RAP1A: variants seen among roughly 807,000 people sequenced by gnomAD.
RAP1A encodes the protein RAP1A, member of RAS oncogene family, also known as ras-related protein Rap-1A.
A neutral mutation model predicts 26.4 loss-of-function variants in RAP1A; 6 were observed. The observed-to-expected ratio is 0.23, with a 90% CI of 0.12 to 0.45. The LOEUF is 0.45. Ranked by LOEUF, RAP1A falls within the 20% of genes least tolerant of loss-of-function variation. The pLI is 0.99. For synonymous variants in RAP1A, 73 were observed against 79.4 expected (o/e 0.92, Z 0.43); for missense variants, 121 against 217.2 (o/e 0.56, Z 2.78).
chr1:111,607,654 C>G (rs1173847307), intron 1 of RAP1A, among the ~76,000 whole-genome samples: 1 of 146,972 alleles, frequency 6.8e-6, no homozygotes, highest in East Asian at 2.0e-4. Flanking sequence ...GACCCCGCCA[C>G]GTCCCTCCCG....
At chr1:111,542,743 C>T (rs570610032) in intron 1 of RAP1A, among the ~76,000 whole-genome samples, 1 of 151,832 alleles carries the variant, frequency 6.6e-6, no homozygotes, top group African/African-American at 2.4e-5. Context: ...GTCACCCAGG[C>T]TGGAGTGCAG....
chr1:111,583,065 T>A (rs1658289807), intron 1 of RAP1A, among the ~76,000 whole-genome samples: 1 of 152,138 alleles, frequency 6.6e-6, no homozygotes, highest in African/African-American at 2.4e-5. Context: ...TTACAAAGTA[T>A]CTTGCAGAGA....
intron 1 of RAP1A, among the ~76,000 whole-genome samples, chr1:111,639,092 G>GACGTAT (rs112010349): frequency 1.3e-5 from 2 of 151,908 alleles, no homozygotes; most frequent in African/African-American, 4.8e-5. Context: ...AAGTATTTTG[G>GACGTAT]ACTCTTTCTG....
intron 6 of RAP1A, among the ~76,000 whole-genome samples, chr1:111,708,200 A>G (rs1662258586): frequency 6.6e-6 from 1 of 152,154 alleles, no homozygotes; most frequent in South Asian, 2.1e-4. Flanking sequence ...ACTAAAAACC[A>G]CAAATATTTG....
chr1:111,701,323 C>T (rs1662015064), intron 4 of RAP1A, among the ~76,000 whole-genome samples: 1 of 152,114 alleles, frequency 6.6e-6, no homozygotes, highest in South Asian at 2.1e-4. Context: ...CTCCACATAA[C>T]CATAGAGCTT....
At chr1:111,688,241 G>C (rs1661551323) in intron 1 of RAP1A, among the ~76,000 whole-genome samples, 1 of 146,264 alleles carries the variant, frequency 6.8e-6, no homozygotes, top group Non-Finnish European at 1.5e-5. Context: ...CTATTTTCTT[G>C]TCTTGCATAG....
At chr1:111,573,872 A>G (rs2101056676) in intron 1 of RAP1A, among the ~76,000 whole-genome samples, 1 of 152,174 alleles carries the variant, frequency 6.6e-6, no homozygotes, top group South Asian at 2.1e-4. Flanking sequence ...TGTCAGATGC[A>G]TAGATTGCAA....
intron 1 of RAP1A, among the ~76,000 whole-genome samples, chr1:111,563,181 AG>A (rs2101049976): frequency 6.6e-6 from 1 of 152,288 alleles, no homozygotes; most frequent in Non-Finnish European, 1.5e-5. Context: ...TGGCTGAGGC[AG>A]GAGGATCGAT....
chr1:111,697,743 C>T (rs1251739812), intron 4 of RAP1A, among the ~76,000 whole-genome samples: 1 of 152,068 alleles, frequency 6.6e-6, no homozygotes, highest in African/African-American at 2.4e-5. Context: ...AAGGATTATG[C>T]TGTCAGTGAT....
chr1:111,677,520 A>G (rs1282321045), intron 1 of RAP1A, among the ~76,000 whole-genome samples: 2 of 152,160 alleles, frequency 1.3e-5, no homozygotes, highest in Non-Finnish European at 2.9e-5. Context: ...CTAGCTCATG[A>G]TATCTCACGA....
chr1:111,699,971 T>C (rs1270496100), intron 4 of RAP1A, among the ~76,000 whole-genome samples: 2 of 152,228 alleles, frequency 1.3e-5, no homozygotes, highest in Non-Finnish European at 2.9e-5. Context: ...TGCTTTCTAA[T>C]GTAAAACCTT....
chr1:111,626,148 A>G (rs1215185430), intron 1 of RAP1A, among the ~76,000 whole-genome samples: 1 of 152,186 alleles, frequency 6.6e-6, no homozygotes, highest in Non-Finnish European at 1.5e-5. Context: ...AAATAGAATG[A>G]TACTCATTTT....
At chr1:111,558,915 G>T (rs963756057) in intron 1 of RAP1A, among the ~76,000 whole-genome samples, 1 of 152,044 alleles carries the variant, frequency 6.6e-6, no homozygotes, top group Non-Finnish European at 1.5e-5. Flanking sequence ...TATGTAAAAC[G>T]TAGTAACAAG....
intron 1 of RAP1A, among the ~76,000 whole-genome samples, chr1:111,673,911 G>A (rs1216974729): frequency 3.3e-5 from 5 of 152,170 alleles, no homozygotes; most frequent in African/African-American, 1.2e-4. Context: ...TTTGTTAGGT[G>A]TAAATAAAAT....
chr1:111,593,160 A>C (rs1460018899), intron 1 of RAP1A, among the ~76,000 whole-genome samples: 1 of 152,176 alleles, frequency 6.6e-6, no homozygotes, highest in East Asian at 1.9e-4. Context: ...TGGCTGACTC[A>C]AGCTAAGCCC....
At chr1:111,653,171 A>G (rs933352180) in intron 1 of RAP1A, among the ~76,000 whole-genome samples, 5 of 152,260 alleles carry the variant, frequency 3.3e-5, no homozygotes, top group African/African-American at 1.2e-4. Context: ...CACAAGTTGT[A>G]TGATTCCATC....
chr1:111,696,184 A>G (rs932630514), intron 3 of RAP1A, among the ~76,000 whole-genome samples: 1 of 152,274 alleles, frequency 6.6e-6, no homozygotes, highest in East Asian at 1.9e-4. Context: ...AATTTTCAGT[A>G]TTTTCTATGT....
chr1:111,688,830 T>G (rs11802174), intron 1 of RAP1A, among the ~76,000 whole-genome samples: 8,285 of 99,140 alleles, frequency 0.084, 550 homozygotes, highest in African/African-American at 0.24. Context: ...TTGTTTTTTT[T>G]TTTGTTTTTT....
At chr1:111,684,713 T>C (rs1468194114) in intron 1 of RAP1A, among the ~76,000 whole-genome samples, 3 of 133,256 alleles carry the variant, frequency 2.3e-5, no homozygotes, top group Non-Finnish European at 4.8e-5. Context: ...CTGCCCAAGG[T>C]AATTTATAGA....
Sources: gnomAD v4.1 joint callset for allele counts (sites outside exome capture counted in the v4.1 genomes callset) on GRCh38, gnomAD v4.1.1 for gene constraint, MANE v1.5 for transcripts, NCBI Gene and HGNC (gene_info 2026-07-23, HGNC 2026-07-21) for gene names.